The following PCNT variants were observed in gnomAD, a reference collection of about 807,000 sequenced individuals.
PCNT encodes kendrin.
In PCNT, 319 loss-of-function variants were observed where a neutral mutation model predicts 380.4. The ratio of observed to expected loss-of-function variants is 0.84; its 90% confidence interval spans 0.77 to 0.92. The LOEUF is 0.92. Ranked by LOEUF, PCNT falls within the 40% of genes least tolerant of loss-of-function variation. The pLI, the probability that PCNT is intolerant of heterozygous loss-of-function variation, is 0.00. For missense variants in PCNT, 4,400 were observed against 4,255.3 expected, an observed-to-expected ratio of 1.03 and a Z score of -0.95; for synonymous variants, 1,845 against 1,735.2, an observed-to-expected ratio of 1.06 and a Z score of -1.57.
chr21:46,354,086 G>C lies in PCNT; in HGVS notation c.1761+18G>C, dbSNP rs1420907893. ...GACATAAGGTAATTGGCCGCGCGCT[G>C]AGAAGTGGGGGAGTCCTGTGCTCTT... On this transcript the variant is annotated intron_variant, in intron 11 of 46. Transcript: ENST00000359568. 6.2e-7 allele frequency: 1 copy of C among 1,607,494 alleles called. No individual in the cohort carries two copies. Among genetic ancestry groups the C allele is most frequent in the Admixed American group, 1.7e-5 (1 of 59,998 alleles).
chr21:46,405,237 A>G (rs946453797), intron 27 of PCNT, among the ~76,000 whole-genome samples: 1 of 152,254 alleles, frequency 6.6e-6, no homozygotes, highest in Non-Finnish European at 1.5e-5. Flanking sequence ...TGCCTAAAAA[A>G]AAATAATTTT....
rs886057177 is a variant in PCNT at position 46,324,194 on chromosome 21, T to G, written c.-35T>G. ...CGAAGGCTGCTCTGTGTCAGCCCCGTCACCGCCGGGCGGCCCGCGCGGAGT... is the reference window on the plus strand; with the variant it reads ...CGAAGGCTGCTCTGTGTCAGCCCCGGCACCGCCGGGCGGCCCGCGCGGAGT... On this transcript the variant is annotated 5_prime_UTR_variant, in exon 1 of 47. Coordinates refer to ENST00000359568, the MANE Select transcript of PCNT (RefSeq NM_006031.6). The G allele has an allele frequency of 1.1e-5, 18 of 1,591,392 alleles. No individual in the cohort carries two copies. Among genetic ancestry groups the G allele is most frequent in the Admixed American group, 3.5e-5 (2 of 57,954 alleles).
intron 2 of PCNT, among the ~76,000 whole-genome samples, chr21:46,330,308 A>G (rs1016378223): frequency 8.5e-5 from 13 of 152,132 alleles, no homozygotes; most frequent in African/African-American, 2.4e-5. Context: ...TTGTAGAGAC[A>G]GTGTTACACT....
In PCNT at chr21:46,349,201, T is replaced by C; in HGVS notation, c.1207+15T>C. The C allele has an allele frequency of 6.2e-7, 1 of 1,608,002 alleles. No individual in the cohort carries two copies. Among genetic ancestry groups the C allele is most frequent in the Non-Finnish European group, 8.5e-7 (1 of 1,174,552 alleles). ...CCAGGCTGAACGTAAGTAATGAAAA[T>C]GAGCAAGTTTGGAGTGGGACTGAAT... On this transcript the variant is annotated intron_variant, in intron 7 of 46. Coordinates refer to ENST00000359568, the MANE Select transcript of PCNT (RefSeq NM_006031.6).
chr21:46,426,983 G>A (rs1304337248), intron 33 of PCNT, among the ~76,000 whole-genome samples: 2 of 152,188 alleles, frequency 1.3e-5, no homozygotes, highest in Non-Finnish European at 2.9e-5. Context: ...CGCCCCTCCA[G>A]CAGGCCCTGG....
chr21:46,415,562 T>A (rs1487566630), intron 29 of PCNT, among the ~76,000 whole-genome samples: 6 of 151,878 alleles, frequency 4.0e-5, no homozygotes, highest in African/African-American at 1.2e-4. Flanking sequence ...TTTTTGTATT[T>A]TTAGTAGAGA....
chr21:46,437,062 G>A lies in PCNT; in HGVS notation c.9080G>A (p.Ser3027Asn), dbSNP rs1264107034. 2 of 1,613,882 alleles carry A rather than the reference G, an allele frequency of 1.2e-6. No individual in the cohort carries two copies. Among genetic ancestry groups the A allele is most frequent in the Non-Finnish European group, 1.7e-6 (2 of 1,179,842 alleles). The change falls in exon 40 of 47, where the codon AGC becomes AAC. Residue 3027 changes from serine (S) to asparagine (N), a missense_variant. Transcript: ENST00000359568. Reference protein sequence around the residue: ...HTLEELKSDLSRPTSSQKKMA... With the variant: ...HTLEELKSDLNRPTSSQKKMA... ...TTGGAGGAGCTGAAGTCTGACTTGAGCAGGCCCACCTCCTCCCAGGTAAGG... is the reference window on the plus strand; with the variant it reads ...TTGGAGGAGCTGAAGTCTGACTTGAACAGGCCCACCTCCTCCCAGGTAAGG...
At position 46,368,237 on chromosome 21, in the gene PCNT, T is replaced by A. The variant is rs557063839; in HGVS notation, c.3165+1098T>A. Among the ~76,000 whole-genome samples, 388 of 151,498 alleles carry A rather than the reference T, an allele frequency of 2.6e-3. 2 individuals carry two copies. Among genetic ancestry groups the A allele is most frequent in the African/African-American group, 8.6e-3 (356 of 41,284 alleles). On this transcript the variant is annotated intron_variant, in intron 15 of 46. Transcript: ENST00000359568. The stretch of plus-strand genomic sequence containing the variant: ...AAGGCGGGCAGATCACAAGGTCAGG[T>A]GATCGAGACCATCCTGGCTAACACG...
At chr21:46,345,327 C>T (rs1297359086) in intron 3 of PCNT, among the ~76,000 whole-genome samples, 1 of 152,176 alleles carries the variant, frequency 6.6e-6, no homozygotes, top group African/African-American at 2.4e-5. Flanking sequence ...AAGTGATCCT[C>T]CTGCCTCAGC....
chr21:46,324,836 G>T (rs949852831), intron 1 of PCNT: 3 of 977,866 alleles, frequency 3.1e-6, no homozygotes, highest in Admixed American at 6.1e-5. Context: ...GCCTCCCCAG[G>T]GTGCGCCTTC....
At chr21:46,349,290 A>G (rs781653802) in intron 7 of PCNT, 104 bp downstream of exon 7, 117 of 992,348 alleles carry the variant, frequency 1.2e-4, no homozygotes, top group South Asian at 6.5e-4. Flanking sequence ...CACGTTTCCT[A>G]CCTTCTAAAT....
chr21:46,337,969 G>A (rs2083804658), intron 3 of PCNT, among the ~76,000 whole-genome samples: 1 of 149,912 alleles, frequency 6.7e-6, no homozygotes, highest in Admixed American at 6.6e-5. Flanking sequence ...GAACTCCTAG[G>A]CTTAGGCAGT....
chr21:46,324,775 C>T (rs1328587076), intron 1 of PCNT: 2 of 655,620 alleles, frequency 3.1e-6, no homozygotes, highest in East Asian at 1.4e-4. Flanking sequence ...TGGTCTAGGG[C>T]CAGTTTCCTG....
chr21:46,402,539 G>C, intron 27 of PCNT, 56 bp downstream of exon 27: 1 of 1,587,088 alleles, frequency 6.3e-7, no homozygotes, highest in Non-Finnish European at 8.6e-7. Context: ...TGCCGGTGCC[G>C]AGCGGCCACC....
At chr21:46,327,707 C>G (rs1026867324) in intron 2 of PCNT, among the ~76,000 whole-genome samples, 2 of 152,226 alleles carry the variant, frequency 1.3e-5, no homozygotes, top group Non-Finnish European at 1.5e-5. Flanking sequence ...TTTCTTGGGA[C>G]ATTTAAAACA....
At chr21:46,365,386 T>TATTCACTGCC (rs2084872755) in intron 14 of PCNT, among the ~76,000 whole-genome samples, 1 of 144,234 alleles carries the variant, frequency 6.9e-6, no homozygotes, top group Non-Finnish European at 1.5e-5. Context: ...CGTGGGGTTC[T>TATTCACTGCC]GTTCACTGCC....
At chr21:46,345,452 A>C (rs1435121376) in intron 3 of PCNT, among the ~76,000 whole-genome samples, 1 of 152,158 alleles carries the variant, frequency 6.6e-6, no homozygotes, top group Non-Finnish European at 1.5e-5. Flanking sequence ...TCCTGACCTC[A>C]GGTAATCTGC....
chr21:46,427,519 C>G, intron 33 of PCNT, 103 bp from the exon 34 acceptor site: 1 of 1,324,420 alleles, frequency 7.6e-7, no homozygotes, highest in Non-Finnish European at 1.1e-6. Flanking sequence ...CCTGAATCAC[C>G]TCCCGCAGGC....
intron 28 of PCNT, among the ~76,000 whole-genome samples, chr21:46,412,275 G>A (rs1238910414): frequency 6.6e-6 from 1 of 152,170 alleles, no homozygotes; most frequent in Non-Finnish European, 1.5e-5. Context: ...GGATTTCACT[G>A]TTTTGTACCA....
Sources: allele counts gnomAD v4.1 joint callset (sites outside exome capture counted in the v4.1 genomes callset), GRCh38; gene constraint gnomAD v4.1.1; transcripts MANE v1.5; gene names NCBI Gene and HGNC (gene_info 2026-07-23, HGNC 2026-07-21).